SPOCK3: variants seen among roughly 807,000 people sequenced by gnomAD.
The protein encoded by SPOCK3 is SPARC (osteonectin), cwcv and kazal like domains proteoglycan 3, also known as testican-3.
In SPOCK3, 30 loss-of-function variants were observed where a neutral mutation model predicts 56.6. That is an observed-to-expected ratio of 0.53 (90% confidence interval 0.40 to 0.72). The LOEUF (loss-of-function observed/expected upper bound fraction) is 0.72, where lower values mean the gene tolerates loss of function less well. Among genes scored for constraint, SPOCK3 ranks in the 30% least tolerant of loss-of-function variants. SPOCK3 has a pLI of 0.00. For missense variants in SPOCK3, 527 were observed against 530.0 expected, an observed-to-expected ratio of 0.99 and a Z score of 0.06; for synonymous variants, 196 against 183.3, an observed-to-expected ratio of 1.07 and a Z score of -0.56.
chr4:166,783,922 G>C (rs1740450611), intron 7 of SPOCK3, among the ~76,000 whole-genome samples: 1 of 151,664 alleles, frequency 6.6e-6, no homozygotes, highest in Non-Finnish European at 1.5e-5. Context: ...AAAATTTTCT[G>C]TTTTGTTTTA....
At chr4:166,951,406 C>G (rs1435405208) in intron 4 of SPOCK3, among the ~76,000 whole-genome samples, 1 of 139,798 alleles carries the variant, frequency 7.2e-6, no homozygotes, top group Non-Finnish European at 1.5e-5. Context: ...TCTGAATAGA[C>G]CAATAACAGG....
intron 6 of SPOCK3, among the ~76,000 whole-genome samples, chr4:166,881,640 T>C (rs981278894): frequency 2.6e-5 from 4 of 152,120 alleles, no homozygotes; most frequent in Non-Finnish European, 5.9e-5. Flanking sequence ...CTGTAAATAC[T>C]GCCTTAACTT....
chr4:166,988,817 C>T (rs1235125169), intron 4 of SPOCK3, among the ~76,000 whole-genome samples: 1 of 152,072 alleles, frequency 6.6e-6, no homozygotes, highest in Non-Finnish European at 1.5e-5. Context: ...TAAATTAATA[C>T]ATGTAAAATA....
At chr4:167,047,960 T>C (rs13133234) in intron 3 of SPOCK3, among the ~76,000 whole-genome samples, 8,242 of 152,098 alleles carry the variant, frequency 0.054, 280 homozygotes, top group Middle Eastern at 0.085. Flanking sequence ...CCAGGAGAAT[T>C]AATTGCTTGA....
At chr4:167,180,187 T>C (rs938720502) in intron 2 of SPOCK3, among the ~76,000 whole-genome samples, 3 of 151,942 alleles carry the variant, frequency 2.0e-5, no homozygotes, top group Admixed American at 6.6e-5. Context: ...CCAAGTAAAA[T>C]ACGGAAAAAC....
chr4:167,224,151 CAT>C (rs1736356856), intron 2 of SPOCK3, among the ~76,000 whole-genome samples: 1 of 152,048 alleles, frequency 6.6e-6, no homozygotes, highest in Non-Finnish European at 1.5e-5. Context: ...ATTCTGACAT[CAT>C]AGTTTTCTAA....
intron 6 of SPOCK3, among the ~76,000 whole-genome samples, chr4:166,796,081 C>T (rs1377898123): frequency 6.6e-6 from 1 of 152,156 alleles, no homozygotes; most frequent in Non-Finnish European, 1.5e-5. Flanking sequence ...GAACCGGGAC[C>T]TGGGCTTTGA....
At chr4:166,900,407 G>T (rs927893651) in intron 5 of SPOCK3, among the ~76,000 whole-genome samples, 1 of 152,234 alleles carries the variant, frequency 6.6e-6, no homozygotes, top group East Asian at 1.9e-4. Flanking sequence ...CCTCCACATG[G>T]TTCACATATC....
chr4:166,942,763 A>G (rs1213916860), intron 4 of SPOCK3, among the ~76,000 whole-genome samples: 2 of 152,226 alleles, frequency 1.3e-5, no homozygotes, highest in Non-Finnish European at 2.9e-5. Flanking sequence ...TGCATGATAC[A>G]TTCAAGAAGA....
At chr4:167,083,005 A>G (rs890410307) in intron 2 of SPOCK3, among the ~76,000 whole-genome samples, 1 of 152,018 alleles carries the variant, frequency 6.6e-6, no homozygotes, top group African/African-American at 2.4e-5. Context: ...GATAAGCCAT[A>G]ATGTTCTCCT....
Position 166,954,234 on chromosome 4 carries a change from T to C in SPOCK3, c.351-41491A>G, listed in dbSNP as rs1743108900. On this transcript the variant is annotated intron_variant, in intron 4 of 10. Coordinates refer to ENST00000357545, the MANE Select transcript of SPOCK3 (RefSeq NM_001040159.2). ...TTATCAGTTATATAGTTTGCAAATA[T>C]ATTCTCCCATTTTGTGGGCTGTCTA... is the stretch of plus-strand genomic sequence containing the variant. Among the ~76,000 whole-genome samples the C allele has an allele frequency of 2.0e-5, 3 of 152,194 alleles. No homozygotes were observed. In the South Asian group the frequency reaches 6.2e-4, roughly 31 times the overall value.
chr4:167,014,289 T>TG (rs1750385804), intron 3 of SPOCK3, among the ~76,000 whole-genome samples: 1 of 133,266 alleles, frequency 7.5e-6, no homozygotes, highest in African/African-American at 2.7e-5. Flanking sequence ...TTTTTTTTTT[T>TG]GTCTATTTTA....
chr4:166,795,532 G>A (rs916432791), intron 6 of SPOCK3, among the ~76,000 whole-genome samples: 4 of 151,930 alleles, frequency 2.6e-5, no homozygotes, highest in South Asian at 2.1e-4. Flanking sequence ...ATAATTAACC[G>A]ATTTACTTTA....
chr4:167,154,798 G>T (rs1280285767), intron 2 of SPOCK3, among the ~76,000 whole-genome samples: 3 of 152,086 alleles, frequency 2.0e-5, no homozygotes, highest in Non-Finnish European at 4.4e-5. Flanking sequence ...CCATGGTTGA[G>T]AAATAGAAGC....
chr4:167,092,009 C>T (rs116439160), intron 2 of SPOCK3, among the ~76,000 whole-genome samples: 303 of 152,138 alleles, frequency 2.0e-3, no homozygotes, highest in Non-Finnish European at 3.3e-3. Flanking sequence ...GGCAAGATGG[C>T]GGAATAGGAA....
intron 5 of SPOCK3, among the ~76,000 whole-genome samples, chr4:166,908,564 T>A (rs1435934676): frequency 7.1e-6 from 1 of 140,744 alleles, no homozygotes; most frequent in Non-Finnish European, 1.6e-5. Flanking sequence ...ACACACACAA[T>A]TTTATGAACA....
chr4:167,094,755 T>G (rs1759001674), intron 2 of SPOCK3, among the ~76,000 whole-genome samples: 1 of 152,154 alleles, frequency 6.6e-6, no homozygotes, highest in South Asian at 2.1e-4. Flanking sequence ...TGTTATTAGA[T>G]TCATATGTAT....
At chr4:166,909,744 G>A (rs1313073650) in intron 5 of SPOCK3, among the ~76,000 whole-genome samples, 1 of 152,042 alleles carries the variant, frequency 6.6e-6, no homozygotes, top group African/African-American at 2.4e-5. Flanking sequence ...TTAGAATTTG[G>A]AGCTCATCAT....
chr4:166,912,057 T>C (rs1453649171), intron 5 of SPOCK3, among the ~76,000 whole-genome samples: 1 of 152,148 alleles, frequency 6.6e-6, no homozygotes, highest in Non-Finnish European at 1.5e-5. Context: ...TCCCAAAATA[T>C]TTTAACAATA....
Sources: gnomAD v4.1 joint callset for allele counts (sites outside exome capture counted in the v4.1 genomes callset) on GRCh38, gnomAD v4.1.1 for gene constraint, MANE v1.5 for transcripts, NCBI Gene and HGNC (gene_info 2026-07-23, HGNC 2026-07-21) for gene names.